Variants in KCNQ1 observed in about 807,000 individuals in gnomAD.
KCNQ1 encodes potassium voltage-gated channel subfamily KQT member 1.
Under a neutral mutation model 72.4 loss-of-function variants are expected in KCNQ1, and 49 were observed. The ratio of observed to expected loss-of-function variants is 0.68; its 90% CI spans 0.54 to 0.86. KCNQ1 has a LOEUF of 0.86. KCNQ1 is among the 40% of genes least tolerant of loss of function. The probability of loss-of-function intolerance (pLI) is 0.00; values close to 1 mark genes in which losing one functional copy is unlikely to be tolerated. For synonymous variants in KCNQ1, 450 were observed against 412.6 expected (o/e 1.09, Z -1.10); for missense variants, 790 against 945.1 (o/e 0.84, Z 2.15).
intron 11 of KCNQ1, among the ~76,000 whole-genome samples, chr11:2,733,774 CCACA>C (rs144399150): frequency 0.034 from 1,947 of 57,544 alleles, 100 homozygotes; most frequent in South Asian, 0.064. Context: ...TTCAGGCCTT[CCACA>C]CACACACACA....
rs1847518099 is a variant in KCNQ1 at position 2,526,879 on chromosome 11, C to T, written c.387-1049C>T. On this transcript the variant is annotated intron_variant, in intron 1 of 15. Transcript: ENST00000155840. The surrounding 1 kb of genome is among the most constrained non-coding windows in gnomAD (Gnocchi z 6.1). ...GCCAGGCAGAGGATCTATGCCGGGG[C>T]CCCCAGGGTCTGTGTGTGGCTTTCT... Among the ~76,000 whole-genome samples, 1 of 152,038 alleles carries T rather than the reference C, an allele frequency of 6.6e-6. No homozygotes were observed. The highest frequency in any genetic ancestry group is 2.1e-4 in the South Asian group (1 of 4,824).
chr11:2,771,085 C>T (rs1425528291), intron 12 of KCNQ1, among the ~76,000 whole-genome samples: 1 of 152,234 alleles, frequency 6.6e-6, no homozygotes, highest in Non-Finnish European at 1.5e-5. Flanking sequence ...CCTGAGGGTG[C>T]AGAGCAGGTC....
rs895623556 is a variant in KCNQ1 at position 2,547,482 on chromosome 11, C to T, written c.477+19464C>T. 2.6e-5 allele frequency among the ~76,000 whole-genome samples: 4 copies of T among 152,192 alleles called. No homozygotes were observed. Among genetic ancestry groups the T allele is most frequent in the Non-Finnish European group, 5.9e-5 (4 of 68,038 alleles). On this transcript the variant is annotated intron_variant, in intron 2 of 15. Transcript: ENST00000155840. The surrounding 1 kb of genome is among the most constrained non-coding windows in gnomAD (Gnocchi z 4.2). ...CTCCTGACCTCAAGTCATCTGCCCGCCTCAGCCTCCCAAAGTGCTGGGATC... is the reference window on the plus strand; with the variant it reads ...CTCCTGACCTCAAGTCATCTGCCCGTCTCAGCCTCCCAAAGTGCTGGGATC...
intron 10 of KCNQ1, chr11:2,633,235 T>G (rs1849392396): frequency 5.0e-6 from 2 of 398,406 alleles, no homozygotes; most frequent in South Asian, 1.3e-4. Flanking sequence ...TCAGATAATC[T>G]GGTGTTTTTT....
Position 2,826,006 on chromosome 11 carries a change from G to A in KCNQ1, c.1795-21761G>A, listed in dbSNP as rs550049722. ...CCCAGTACCCTCTCCCCGAGGCCTC[G>A]TCCTCCCCGCCATCCTGGAAACGAT... is the stretch of plus-strand genomic sequence containing the variant. On this transcript the variant is annotated intron_variant, in intron 15 of 15. Transcript: ENST00000155840. The surrounding 1 kb of genome is among the most constrained non-coding windows in gnomAD (Gnocchi z 4.2). Among the ~76,000 whole-genome samples, 6 of 152,106 alleles carry A rather than the reference G, an allele frequency of 3.9e-5. No individual in the cohort carries two copies. The highest frequency in any genetic ancestry group is 1.4e-4 in the African/African-American group (6 of 41,480).
chr11:2,839,017 CAGGT>C (rs1319102558), intron 15 of KCNQ1, among the ~76,000 whole-genome samples: 2 of 13,430 alleles, frequency 1.5e-4, no homozygotes, highest in Non-Finnish European at 5.6e-4. Flanking sequence ...ACTAGGTGGG[CAGGT>C]GGGCAGGTGG....
Position 2,783,494 on chromosome 11 carries a change from A to G in KCNQ1, c.1794+5457A>G, listed in dbSNP as rs1218975387. On this transcript the variant is annotated intron_variant, in intron 15 of 15. Transcript: ENST00000155840. The surrounding 1 kb of genome is among the most constrained non-coding windows in gnomAD (Gnocchi z 5.2). The stretch of plus-strand genomic sequence containing the variant: ...TAGTTGGTCTGTTCAAATCTTCTAT[A>G]TTCTCATTGGAATGTTTTTATCTGC... Among the ~76,000 whole-genome samples, 2 of 152,050 alleles carry G rather than the reference A, an allele frequency of 1.3e-5. No homozygotes were observed. The highest frequency in any genetic ancestry group is 6.5e-5 in the Admixed American group (1 of 15,270).
In KCNQ1 at chr11:2,588,152, A is replaced by C. The variant is rs1400811342; in HGVS notation, c.1251+460A>C. Among the ~76,000 whole-genome samples the C allele has an allele frequency of 6.6e-6, 1 of 152,052 alleles. No homozygotes were observed. The highest frequency in any genetic ancestry group is 1.9e-4 in the East Asian group (1 of 5,194). On this transcript the variant is annotated intron_variant, in intron 9 of 15. Coordinates refer to ENST00000155840, the MANE Select transcript of KCNQ1 (RefSeq NM_000218.3). This position sits in a 1 kb window ranked among gnomAD's most constrained non-coding sequence, Gnocchi z 5.6. The stretch of plus-strand genomic sequence containing the variant: ...CAGTGGAGTTTGGCAGGCGCTGGGC[A>C]GAAGTCTTGTGACATGGCTGGGGTC...
intron 1 of KCNQ1, among the ~76,000 whole-genome samples, chr11:2,521,954 C>G (rs889398528): frequency 6.6e-6 from 1 of 152,254 alleles, no homozygotes; most frequent in Admixed American, 6.5e-5. Flanking sequence ...GGAGCCCACC[C>G]AGGCCCGCTG....
At chr11:2,641,773 C>T in intron 10 of KCNQ1, 2 of 398,396 alleles carry the variant, frequency 5.0e-6, no homozygotes, top group Non-Finnish European at 8.9e-6. Context: ...TAGTTTCATG[C>T]CTCATGTTTA....
chr11:2,696,531 A>G (rs1176498541), intron 11 of KCNQ1: 2 of 398,538 alleles, frequency 5.0e-6, no homozygotes, highest in East Asian at 3.6e-5. Flanking sequence ...TCAAAAGTTC[A>G]GTTGGCATTT....
At chr11:2,807,579 C>T (rs1437511836) in intron 15 of KCNQ1, among the ~76,000 whole-genome samples, 2 of 152,208 alleles carry the variant, frequency 1.3e-5, no homozygotes, top group African/African-American at 4.8e-5. Context: ...CCTCCTCGGG[C>T]CCAGCCTACC....
chr11:2,843,252 C>T (rs890388035), intron 15 of KCNQ1, among the ~76,000 whole-genome samples: 1 of 152,242 alleles, frequency 6.6e-6, no homozygotes, highest in African/African-American at 2.4e-5. Flanking sequence ...GACCTTACCA[C>T]GTGCTGTGAC....
At chr11:2,604,648 G>A (rs181494728) in intron 10 of KCNQ1, among the ~76,000 whole-genome samples, 4,370 of 151,710 alleles carry the variant, frequency 0.029, 157 homozygotes, top group African/African-American at 0.081. Flanking sequence ...AGGTTCAAGC[G>A]ATTCCTCTGC....
chr11:2,760,949 C>T (rs945112601), intron 11 of KCNQ1, among the ~76,000 whole-genome samples: 1 of 152,206 alleles, frequency 6.6e-6, no homozygotes. Flanking sequence ...ACAGGGTGCT[C>T]TTTAGTTTAG....
At chr11:2,699,623 C>T (rs1404344712) in intron 11 of KCNQ1, 31 of 352,462 alleles carry the variant, frequency 8.8e-5, no homozygotes, top group Non-Finnish European at 1.1e-4. Flanking sequence ...GAGAGAACCG[C>T]GCCGAAGAAC....
chr11:2,686,297 C>T (rs1457849256), intron 11 of KCNQ1: 3 of 398,758 alleles, frequency 7.5e-6, no homozygotes, highest in South Asian at 1.3e-4. Context: ...GGCCAGACCA[C>T]AGACCACACT....
intron 11 of KCNQ1, among the ~76,000 whole-genome samples, chr11:2,740,735 C>G (rs1253827943): frequency 6.6e-6 from 1 of 152,228 alleles, no homozygotes; most frequent in Non-Finnish European, 1.5e-5. Context: ...GCCCACATCC[C>G]TTGGATCATG....
chr11:2,553,173 T>TG (rs200347627), intron 2 of KCNQ1, among the ~76,000 whole-genome samples: 1,699 of 142,624 alleles, frequency 0.012, 34 homozygotes, highest in African/African-American at 0.044. Flanking sequence ...TTTTTTTTTT[T>TG]TTTGTTTTTT....
Sources: allele counts gnomAD v4.1 joint callset (sites outside exome capture counted in the v4.1 genomes callset), GRCh38; gene constraint gnomAD v4.1.1; non-coding constraint Gnocchi (gnomAD v3.1); transcripts MANE v1.5; gene names NCBI Gene and HGNC (gene_info 2026-07-23, HGNC 2026-07-21).